SETD2: variants seen among roughly 807,000 people sequenced by gnomAD.
SETD2 encodes histone-lysine N-methyltransferase SETD2.
In SETD2, 31 loss-of-function variants were observed where a neutral mutation model predicts 242.1. That is an observed-to-expected ratio of 0.13 (90% CI 0.10 to 0.17). SETD2 has a LOEUF of 0.17. SETD2 is among the 10% of genes least tolerant of loss of function. The pLI is 1.00. For synonymous variants in SETD2, 1,006 were observed against 1,066.5 expected, an observed-to-expected ratio of 0.94 and a Z score of 1.11; for missense variants, 2,481 against 3,046.3, an observed-to-expected ratio of 0.81 and a Z score of 4.37.
rs2107539287 is a variant in SETD2, at chr3:47,042,575, G to A, written c.7224C>T (p.Tyr2408=). The change falls in exon 17 of 21, where the codon TAC becomes TAT. Residue 2408 remains tyrosine (Y), a synonymous_variant. Coordinates refer to ENST00000409792, the MANE Select transcript of SETD2 (RefSeq NM_014159.7). ...ARDPEGKIYY[Y]HVITRQTQWD... Reference sequence around the variant, plus strand: ...GCTCCTCTTACCTTGTGATCACATGGTAGTAATAAATCTTCCCTTCTGGAT... The same window carrying A: ...GCTCCTCTTACCTTGTGATCACATGATAGTAATAAATCTTCCCTTCTGGAT... 6.2e-7 allele frequency: 1 copy of A among 1,614,060 alleles called. No homozygotes were observed.
chr3:47,077,149 A>G (rs927436676), intron 12 of SETD2, among the ~76,000 whole-genome samples: 1 of 152,166 alleles, frequency 6.6e-6, no homozygotes, highest in Non-Finnish European at 1.5e-5. Flanking sequence ...CAATGGTGCA[A>G]TCTCAGCTCA....
rs771957568 is a variant in SETD2 at position 47,056,838 on chromosome 3, T to A, written c.6946A>T (p.Thr2316Ser). The change falls in exon 15 of 21, where the codon ACT becomes TCT. Residue 2316 changes from threonine (T) to serine (S), a missense_variant. Coordinates refer to ENST00000409792, the MANE Select transcript of SETD2 (RefSeq NM_014159.7). ...TTAGTTACCTGTACAATTGGTGGAGTTGTCTGTGAATAAGGTGATGTCACA... is the reference window on the plus strand; with the variant it reads ...TTAGTTACCTGTACAATTGGTGGAGATGTCTGTGAATAAGGTGATGTCACA... ...YGVTSPYSQT[T>S]PPIVQSYAQP... is the part of the protein sequence containing the mutation. 6.2e-7 allele frequency: 1 copy of A among 1,612,496 alleles called. No individual in the cohort carries two copies. Among genetic ancestry groups the A allele is most frequent in the Non-Finnish European group, 8.5e-7 (1 of 1,178,788 alleles).
At chr3:47,132,452 A>G (rs1270485911) in intron 1 of SETD2, among the ~76,000 whole-genome samples, 1 of 152,114 alleles carries the variant, frequency 6.6e-6, no homozygotes, top group Non-Finnish European at 1.5e-5. Flanking sequence ...GTGCCACTGC[A>G]CTCCAGCCTA....
chr3:47,028,653 C>T (rs2038615873), intron 18 of SETD2, among the ~76,000 whole-genome samples: 1 of 152,196 alleles, frequency 6.6e-6, no homozygotes, highest in Admixed American at 6.5e-5. Context: ...TCACAATGTC[C>T]AGTGTTCAAC....
chr3:47,088,896 C>A (rs893207179), intron 9 of SETD2, among the ~76,000 whole-genome samples: 1 of 151,992 alleles, frequency 6.6e-6, no homozygotes, highest in Non-Finnish European at 1.5e-5. Context: ...TTCATTGAAG[C>A]AATATTTATA....
At chr3:47,117,072 T>C (rs866062159) in intron 3 of SETD2, among the ~76,000 whole-genome samples, 1 of 152,124 alleles carries the variant, frequency 6.6e-6, no homozygotes, top group African/African-American at 2.4e-5. Context: ...TCTATGTTAC[T>C]CAAGCTGGTC....
At chr3:47,076,089 T>C (rs963833500) in intron 12 of SETD2, among the ~76,000 whole-genome samples, 3 of 152,152 alleles carry the variant, frequency 2.0e-5, no homozygotes, top group Non-Finnish European at 2.9e-5. Flanking sequence ...CTGCCTTTGA[T>C]TGGAAAAGAT....
rs926724954 is a variant in SETD2, at chr3:47,099,351, T to C, written c.5016-1270A>G. 7.9e-5 allele frequency among the ~76,000 whole-genome samples: 12 copies of C among 152,230 alleles called. 1 individual carries two copies. The highest frequency in any genetic ancestry group is 1.5e-4 in the Non-Finnish European group (10 of 68,036). ...CTGAAAAAAATAAAATAAAAACTTT[T>C]AGGGTTTTGTATCTTACTTAAATTT... On this transcript the variant is annotated intron_variant, in intron 8 of 20. Transcript: ENST00000409792.
chr3:47,080,866 C>T, intron 12 of SETD2: 7 of 986,896 alleles, frequency 7.1e-6, no homozygotes, highest in Non-Finnish European at 8.4e-6. Context: ...AATGGACGCA[C>T]CAAAATAACG....
chr3:47,157,216 T>C (rs2044145691), intron 1 of SETD2, among the ~76,000 whole-genome samples: 1 of 151,838 alleles, frequency 6.6e-6, no homozygotes, highest in Non-Finnish European at 1.5e-5. Context: ...TGAGCCATCA[T>C]CGCGCCACTG....
intron 3 of SETD2, 45 bp downstream of exon 3, chr3:47,120,137 A>T: frequency 7.1e-7 from 1 of 1,411,598 alleles, no homozygotes; most frequent in Non-Finnish European, 9.6e-7. Context: ...TTCTAACAAC[A>T]AAAAAAGAGT....
At chr3:47,156,654 A>G (rs1007419582) in intron 1 of SETD2, among the ~76,000 whole-genome samples, 1 of 152,202 alleles carries the variant, frequency 6.6e-6, no homozygotes, top group African/African-American at 2.4e-5. Flanking sequence ...GCATCTCAGT[A>G]GCCCAAAGAA....
At chr3:47,054,603 G>A (rs901473901) in intron 15 of SETD2, among the ~76,000 whole-genome samples, 3 of 151,978 alleles carry the variant, frequency 2.0e-5, no homozygotes, top group Admixed American at 6.6e-5. Flanking sequence ...GTAGGAGGGA[G>A]AATGAAACAT....
At chr3:47,050,991 C>T (rs933494906) in intron 15 of SETD2, among the ~76,000 whole-genome samples, 4 of 151,976 alleles carry the variant, frequency 2.6e-5, no homozygotes, top group Admixed American at 2.0e-4. Flanking sequence ...CCTCGGCTTC[C>T]CAAAGTGCTG....
chr3:47,145,256 A>G (rs2043825197), intron 1 of SETD2, among the ~76,000 whole-genome samples: 2 of 152,284 alleles, frequency 1.3e-5, no homozygotes, highest in African/African-American at 4.8e-5. Context: ...TTGGGGCCAG[A>G]TATCTTGGAC....
intron 17 of SETD2, among the ~76,000 whole-genome samples, chr3:47,039,159 T>G (rs559366472): frequency 6.6e-6 from 1 of 151,410 alleles, no homozygotes; most frequent in East Asian, 1.9e-4. Flanking sequence ...AGCTACCAGA[T>G]AAAGAAAACC....
chr3:47,102,996 G>T (rs1323676643), intron 7 of SETD2, among the ~76,000 whole-genome samples: 1 of 152,130 alleles, frequency 6.6e-6, no homozygotes, highest in Non-Finnish European at 1.5e-5. Context: ...TAAATGCAAT[G>T]TGAGTTCCTG....
chr3:47,134,532 C>G (rs1246374213), intron 1 of SETD2, among the ~76,000 whole-genome samples: 1 of 152,136 alleles, frequency 6.6e-6, no homozygotes, highest in Non-Finnish European at 1.5e-5. Context: ...GAATGGATGT[C>G]CTAGCTAACT....
chr3:47,065,454 T>C (rs1314355276), intron 13 of SETD2, among the ~76,000 whole-genome samples: 2 of 152,026 alleles, frequency 1.3e-5, no homozygotes, highest in African/African-American at 4.8e-5. Context: ...ATAACCACCA[T>C]AAGTGACCCT....
Sources: allele counts gnomAD v4.1 joint callset (sites outside exome capture counted in the v4.1 genomes callset), GRCh38; gene constraint gnomAD v4.1.1; transcripts MANE v1.5; gene names NCBI Gene and HGNC (gene_info 2026-07-23, HGNC 2026-07-21).